The following TIA1 variants were observed in gnomAD, a reference collection of about 807,000 sequenced individuals.
TIA1 encodes the protein TIA1 cytotoxic granule associated RNA binding protein.
TIA1 carries 23 observed loss-of-function variants against 65.9 expected under a neutral mutation model. The observed-to-expected ratio is 0.35, with a 90% CI of 0.25 to 0.49. The LOEUF (loss-of-function observed/expected upper bound fraction) is 0.49, where lower values mean the gene tolerates loss of function less well. Among genes scored for constraint, TIA1 ranks in the 20% least tolerant of loss-of-function variants. The pLI, the probability that TIA1 is intolerant of heterozygous loss-of-function variation, is 0.98. For synonymous variants in TIA1, 147 were observed against 149.4 expected (o/e 0.98, Z 0.12); for missense variants, 371 against 477.9 (o/e 0.78, Z 2.09).
intron 1 of TIA1, among the ~76,000 whole-genome samples, chr2:70,242,185 TA>T (rs1359594226): frequency 3.0e-4 from 46 of 152,122 alleles, no homozygotes; most frequent in African/African-American, 1.0e-3. Flanking sequence ...AACTCTGTAC[TA>T]TCTCTGCATC....
At chr2:70,219,738 C>CTTTTTTTTTT (rs1165514822) in intron 7 of TIA1, among the ~76,000 whole-genome samples, 1 of 105,886 alleles carries the variant, frequency 9.4e-6, no homozygotes. Context: ...GGTCGCCAGG[C>CTTTTTTTTTT]TTTTTTTTTT....
chr2:70,228,647 G>GAC (rs1684790756), intron 5 of TIA1: 1 of 985,408 alleles, frequency 1.0e-6, no homozygotes, highest in Admixed American at 6.1e-5. Flanking sequence ...ACATCAATTT[G>GAC]ACAAAGCATA....
At position 70,212,696 on chromosome 2, in the gene TIA1, G is replaced by T; in HGVS notation, c.*23C>A. On this transcript the variant is annotated 3_prime_UTR_variant, in exon 13 of 13. Coordinates refer to ENST00000433529, the MANE Select transcript of TIA1 (RefSeq NM_022173.4). Reference sequence around the variant, plus strand: ...CACTCCCTGTAGCCTCAAGCCACTGGCTTTAGATTCTGGAGTCCTTATTCA... The same window carrying T: ...CACTCCCTGTAGCCTCAAGCCACTGTCTTTAGATTCTGGAGTCCTTATTCA... 6.7e-7 allele frequency: 1 copy of T among 1,495,448 alleles called. No homozygotes were observed. Among genetic ancestry groups the T allele is most frequent in the Non-Finnish European group, 9.3e-7 (1 of 1,071,868 alleles). The allele number at this position is 1,495,448 out of a possible 1,614,324, so 92.6% of individuals were successfully genotyped here.
intron 1 of TIA1, among the ~76,000 whole-genome samples, 194 bp downstream of exon 1, chr2:70,248,211 T>C (rs1476371397): frequency 2.0e-5 from 3 of 152,172 alleles, no homozygotes; most frequent in Non-Finnish European, 4.4e-5. Context: ...ATTGAGAGGG[T>C]TGAGCCCCGT....
In TIA1 at chr2:70,211,076, T is replaced by C. The variant is rs1461828078; in HGVS notation, c.*1643A>G. 3 of 152,066 alleles carry C rather than the reference T, an allele frequency of 2.0e-5. No individual in the cohort carries two copies. The highest frequency in any genetic ancestry group is 1.3e-4 in the Admixed American group (2 of 15,262). 9.4% of individuals were successfully genotyped at this position (152,066 alleles called of 1,614,324 possible). On this transcript the variant is annotated 3_prime_UTR_variant, in exon 13 of 13. Coordinates refer to ENST00000433529, the MANE Select transcript of TIA1 (RefSeq NM_022173.4). Reference sequence around the variant, plus strand: ...CTTAAGATTTTGCGGGCCTTTTCTGTTTCTAGGTAAAATGCAGGGAGCTCC... The same window carrying C: ...CTTAAGATTTTGCGGGCCTTTTCTGCTTCTAGGTAAAATGCAGGGAGCTCC...
rs1013357757 is a variant in TIA1 at position 70,225,089 on chromosome 2, TTAAAC to T, written c.399-465_399-461del. ...AAAAGTTGTATATTCCCTAAACTAA[TTAAAC>T]TATTTAATTTTTTCAGATCAATTTA... On this transcript the variant is annotated intron_variant, in intron 6 of 12. Transcript: ENST00000433529. The T allele has an allele frequency of 8.2e-5, 82 of 1,000,434 alleles. No individual in the cohort carries two copies. In the African/African-American group the frequency reaches 1.4e-3, roughly 17 times the overall value. The allele number at this position is 1,000,434 out of a possible 1,614,324, so 62.0% of individuals were successfully genotyped here.
In TIA1 at chr2:70,216,299, G is replaced by A; in HGVS notation, c.680-7C>T. Reference sequence around the variant, plus strand: ...GTCTGACGCATTAGTTGTTCTGTTAGACAAAAAACCAAAACAAACAAATCA... The same window carrying A: ...GTCTGACGCATTAGTTGTTCTGTTAAACAAAAAACCAAAACAAACAAATCA... On this transcript the variant is annotated splice_region_variant and splice_polypyrimidine_tract_variant and intron_variant, in intron 9 of 12. Transcript: ENST00000433529. 1.3e-6 allele frequency: 2 copies of A among 1,585,830 alleles called. No homozygotes were observed. The highest frequency in any genetic ancestry group is 1.2e-5 in the South Asian group (1 of 85,140).
chr2:70,245,055 G>C (rs189389687), intron 1 of TIA1, among the ~76,000 whole-genome samples: 1 of 151,924 alleles, frequency 6.6e-6, no homozygotes, highest in African/African-American at 2.4e-5. Flanking sequence ...GCGTGATCTC[G>C]GCTCACTGCA....
intron 7 of TIA1, among the ~76,000 whole-genome samples, chr2:70,224,062 C>T (rs867842859): frequency 2.6e-5 from 4 of 152,142 alleles, no homozygotes; most frequent in Middle Eastern, 6.8e-3. Context: ...GGACTACAGG[C>T]GCCTGCCACC....
At position 70,212,819 on chromosome 2, in the gene TIA1, A is replaced by G; in HGVS notation, c.1061T>C (p.Met354Thr). Residue 354 changes from methionine (M) to threonine (T), a missense_variant, in exon 13 of 13, where the codon ATG becomes ACG. Physicochemically the swap from Met to Thr is moderately conservative, Grantham distance 81. Coordinates refer to ENST00000433529, the MANE Select transcript of TIA1 (RefSeq NM_022173.4). The stretch of plus-strand genomic sequence containing the variant: ...CGGTTGCACTCCATAATTTGGTCCC[A>G]TCCATGGTGCAGAAGACTGTGTCTG... ...FNQTQSSAPW[M>T]GPNYGVQPPQ... 6.2e-7 allele frequency: 1 copy of G among 1,614,066 alleles called. No individual in the cohort carries two copies. The highest frequency in any genetic ancestry group is 8.5e-7 in the Non-Finnish European group (1 of 1,179,954).
intron 12 of TIA1, among the ~76,000 whole-genome samples, chr2:70,213,355 T>C (rs1172920919): frequency 1.3e-5 from 2 of 151,860 alleles, no homozygotes; most frequent in Admixed American, 1.3e-4. Flanking sequence ...CTTTTTTTTT[T>C]TTTTTTAAGA....
At chr2:70,243,288 A>C (rs570469285) in intron 1 of TIA1, among the ~76,000 whole-genome samples, 1 of 152,220 alleles carries the variant, frequency 6.6e-6, no homozygotes, top group East Asian at 1.9e-4. Flanking sequence ...TTAGCCAGAC[A>C]TGGTGGCACA....
upstream of TIA1, chr2:70,248,768 C>G (rs1225840174): frequency 7.7e-6 from 3 of 391,356 alleles, no homozygotes; most frequent in Non-Finnish European, 1.4e-5. Context: ...TTCCACCCGA[C>G]GCGAGGGACG....
At chr2:70,236,385 G>T (rs559312252) in intron 1 of TIA1, among the ~76,000 whole-genome samples, 1 of 152,034 alleles carries the variant, frequency 6.6e-6, no homozygotes, top group East Asian at 1.9e-4. Context: ...TTTTAGTAGA[G>T]ACGGGGTTTC....
In TIA1 at chr2:70,216,289, T is replaced by C. The variant is rs763253859; in HGVS notation, c.683A>G (p.Gln228Arg). The C allele has an allele frequency of 6.3e-7, 1 of 1,589,880 alleles. No homozygotes were observed. Among genetic ancestry groups the C allele is most frequent in the Non-Finnish European group, 8.5e-7 (1 of 1,173,442 alleles). Residue 228 changes from glutamine (Q) to arginine (R), a missense_variant, in exon 10 of 13, where the codon CAA (glutamine) becomes CGA (arginine). Gln to Arg is a conservative substitution (Grantham distance 43). Transcript: ENST00000433529. ...TGGTGAAAAAGTCTGACGCATTAGT[T>C]GTTCTGTTAGACAAAAAACCAAAAC... is the stretch of plus-strand genomic sequence containing the variant. Reference protein sequence around the residue: ...CGGVTSGLTEQLMRQTFSPFG... With the variant: ...CGGVTSGLTERLMRQTFSPFG...
At position 70,214,642 on chromosome 2, in the gene TIA1, A is replaced by AC. The variant is rs1170723078; in HGVS notation, c.889-149_889-148insG. On this transcript the variant is annotated intron_variant, in intron 11 of 12. Transcript: ENST00000433529. ...ACAAGAGTTGACTGCTAAAAAAAAA[A>AC]AAAAAAAAAAAAAAAACAAAAAACA... is the stretch of plus-strand genomic sequence containing the variant. 5.4e-6 allele frequency: 3 copies of AC among 551,814 alleles called. 1 individual carries two copies. The highest frequency in any genetic ancestry group is 8.7e-6 in the Non-Finnish European group (3 of 344,068). 34.2% of individuals were successfully genotyped at this position (551,814 alleles called of 1,614,324 possible).
At chr2:70,242,595 TAA>T (rs1275678715) in intron 1 of TIA1, among the ~76,000 whole-genome samples, 2 of 147,270 alleles carry the variant, frequency 1.4e-5, no homozygotes, top group African/African-American at 5.0e-5. Flanking sequence ...ATAAATTCCA[TAA>T]GAGGTTTTCA....
intron 12 of TIA1, among the ~76,000 whole-genome samples, 195 bp from the exon 13 acceptor site, chr2:70,213,040 G>A (rs1273552232): frequency 1.3e-5 from 2 of 152,174 alleles, no homozygotes; most frequent in East Asian, 3.8e-4. Flanking sequence ...AAGCATCCCT[G>A]TATGTTTAAT....
In TIA1 at chr2:70,242,562, G is replaced by A. The variant is rs148561294; in HGVS notation, c.26+5843C>T. ...GGTCTCTGAAAATTTGAGTAAAAAC[G>A]ATGAATAGTTTTTTACCTAATAATA... On this transcript the variant is annotated intron_variant, in intron 1 of 12. Coordinates refer to ENST00000433529, the MANE Select transcript of TIA1 (RefSeq NM_022173.4). Among the ~76,000 whole-genome samples, 558 of 136,068 alleles carry A rather than the reference G, an allele frequency of 4.1e-3. 6 individuals are homozygous for A. Among genetic ancestry groups the A allele is most frequent in the East Asian group, 0.027 (123 of 4,492 alleles). The allele number at this position is 136,068 out of a possible 152,430, so 89.3% of individuals were successfully genotyped here.
Sources: allele counts gnomAD v4.1 joint callset (sites outside exome capture counted in the v4.1 genomes callset), GRCh38; gene constraint gnomAD v4.1.1; transcripts MANE v1.5; gene names NCBI Gene and HGNC (gene_info 2026-07-23, HGNC 2026-07-21).